DAB2IP: variants seen among roughly 807,000 people sequenced by gnomAD.
The protein encoded by DAB2IP is DAB2 interacting protein, also known as disabled homolog 2-interacting protein.
DAB2IP carries 28 observed loss-of-function variants against 107.2 expected under a neutral mutation model. That is an observed-to-expected ratio of 0.26 (90% CI 0.19 to 0.36). The LOEUF is 0.36. Among genes scored for constraint, DAB2IP ranks in the 10% least tolerant of loss-of-function variants. The pLI, the probability that DAB2IP is intolerant of heterozygous loss-of-function variation, is 1.00. For missense variants in DAB2IP, 1,400 were observed against 1,644.7 expected (o/e 0.85, Z 2.57); for synonymous variants, 755 against 706.4 (o/e 1.07, Z -1.09).
At chr9:121,763,355 G>T in intron 6 of DAB2IP, 150 bp from the exon 7 acceptor site, 3 of 1,152,898 alleles carry the variant, frequency 2.6e-6, no homozygotes, top group Non-Finnish European at 3.6e-6. Context: ...AGCCCCCAAA[G>T]GTGGGCACAC....
At chr9:121,780,940 G>A (rs1400080211) in intron 14 of DAB2IP, among the ~76,000 whole-genome samples, 1 of 152,168 alleles carries the variant, frequency 6.6e-6, no homozygotes, top group Non-Finnish European at 1.5e-5. Flanking sequence ...CCAGGGACCT[G>A]AGCTTTCCAC....
chr9:121,647,225 C>A (rs1832568927), upstream of DAB2IP, among the ~76,000 whole-genome samples: 1 of 152,076 alleles, frequency 6.6e-6, no homozygotes, highest in African/African-American at 2.4e-5. Context: ...CTGTTATCAT[C>A]CCCCCTGTAC....
At chr9:121,720,783 C>T (rs1830880853) in intron 3 of DAB2IP, among the ~76,000 whole-genome samples, 1 of 152,180 alleles carries the variant, frequency 6.6e-6, no homozygotes, top group Non-Finnish European at 1.5e-5. Context: ...CAGGGCTCCA[C>T]CCAGCAGGAG....
Position 121,782,336 on chromosome 9 carries a change from G to A in DAB2IP, c.3408G>A (p.Lys1136=). The A allele has an allele frequency of 6.2e-7, 1 of 1,613,772 alleles. No homozygotes were observed. The highest frequency in any genetic ancestry group is 1.7e-5 in the Admixed American group (1 of 59,994). The change falls in exon 16 of 16, where the codon AAG becomes AAA. Residue 1136 remains lysine (K), a synonymous_variant. Transcript: ENST00000408936. This position sits in a 1 kb window ranked among gnomAD's most constrained non-coding sequence, Gnocchi z 6.1. ...CACATCCCCATTGTCCACAGGAGAAGCGCATTGCCTCGTTGGATGCCGCCA... is the reference window on the plus strand; with the variant it reads ...CACATCCCCATTGTCCACAGGAGAAACGCATTGCCTCGTTGGATGCCGCCA...
At chr9:121,717,561 G>A (rs1232716199) in intron 3 of DAB2IP, among the ~76,000 whole-genome samples, 2 of 152,208 alleles carry the variant, frequency 1.3e-5, no homozygotes, top group Admixed American at 1.3e-4. Context: ...TGTGCATATG[G>A]ACAGCATACC....
At chr9:121,756,903 A>G (rs1833530909) in intron 3 of DAB2IP, 110 bp from the exon 4 acceptor site, 2 of 1,402,936 alleles carry the variant, frequency 1.4e-6, no homozygotes, top group Admixed American at 1.8e-5. Context: ...GAGAGTGGAG[A>G]GGAGTGGCTG....
At chr9:121,630,839 A>G (rs920971317) in intron 1 of DAB2IP, among the ~76,000 whole-genome samples, 2 of 152,058 alleles carry the variant, frequency 1.3e-5, no homozygotes, top group Admixed American at 6.5e-5. Context: ...AACTCCTGAC[A>G]TTGGGCAATC....
intron 1 of DAB2IP, among the ~76,000 whole-genome samples, chr9:121,602,730 C>T (rs150400364): frequency 0.01 from 1,522 of 152,116 alleles, 33 homozygotes; most frequent in African/African-American, 0.034. Context: ...CGCCCGCCAC[C>T]ACGCCCGGCT....
chr9:121,610,304 C>T lies in DAB2IP; in HGVS notation c.40+43076C>T, dbSNP rs763579000. Among the ~76,000 whole-genome samples the T allele has an allele frequency of 3.2e-4, 49 of 152,180 alleles. 1 individual carries two copies. Among genetic ancestry groups the T allele is most frequent in the Non-Finnish European group, 3.7e-4 (25 of 68,032 alleles). On this transcript the variant is annotated intron_variant, in intron 1 of 16. Transcript: ENST00000259371. ...ACCCTGAGTACGGTGCATGGCCTCTCTGGGCTGTAATGATAATACCTAGCA... is the reference window on the plus strand; with the variant it reads ...ACCCTGAGTACGGTGCATGGCCTCTTTGGGCTGTAATGATAATACCTAGCA...
intron 1 of DAB2IP, among the ~76,000 whole-genome samples, chr9:121,600,213 C>T (rs1830647687): frequency 6.6e-6 from 1 of 152,188 alleles, no homozygotes; most frequent in Admixed American, 6.5e-5. Flanking sequence ...GGGCAGCCAA[C>T]CAAACCTCTT....
At chr9:121,732,165 C>T (rs1322345512) in intron 3 of DAB2IP, among the ~76,000 whole-genome samples, 1 of 152,122 alleles carries the variant, frequency 6.6e-6, no homozygotes, top group Non-Finnish European at 1.5e-5. Context: ...AGCATTCAGC[C>T]CCTGGCACAC....
intron 1 of DAB2IP, among the ~76,000 whole-genome samples, chr9:121,600,611 A>G (rs528534430): frequency 1.3e-5 from 2 of 152,332 alleles, no homozygotes; most frequent in East Asian, 1.9e-4. Flanking sequence ...CTTGTCACCA[A>G]TAAGGACCAA....
At chr9:121,569,079 C>G (rs1187802215) in intron 1 of DAB2IP, among the ~76,000 whole-genome samples, 2 of 152,214 alleles carry the variant, frequency 1.3e-5, no homozygotes, top group Non-Finnish European at 2.9e-5. Context: ...TGGGAGCAAT[C>G]CCAGGCCCAG....
chr9:121,745,959 G>T (rs994895031), intron 3 of DAB2IP, among the ~76,000 whole-genome samples: 8 of 152,176 alleles, frequency 5.3e-5, no homozygotes, highest in Admixed American at 4.6e-4. Context: ...TCTTAAATGG[G>T]GGTCTTTCAG....
intron 1 of DAB2IP, among the ~76,000 whole-genome samples, chr9:121,641,892 C>CCTTTCTTTCTCTTTCTTT (rs1554718107): frequency 1.1e-5 from 1 of 89,334 alleles, no homozygotes; most frequent in South Asian, 4.6e-4. Flanking sequence ...CATTTCTTTC[C>CCTTTCTTTCTCTTTCTTT]CTTTCTTTCT....
chr9:121,670,237 C>T (rs1037631754), intron 1 of DAB2IP, among the ~76,000 whole-genome samples: 2 of 152,192 alleles, frequency 1.3e-5, no homozygotes, highest in African/African-American at 2.4e-5. Context: ...TCCAAGTTGT[C>T]GTGTGTATCA....
intron 8 of DAB2IP, among the ~76,000 whole-genome samples, chr9:121,766,068 C>T (rs1183275574): frequency 6.6e-6 from 1 of 152,234 alleles, no homozygotes; most frequent in Non-Finnish European, 1.5e-5. Flanking sequence ...CTCACTTCCC[C>T]CTAGACCCAG....
At chr9:121,780,480 G>A (rs919215173) in intron 14 of DAB2IP, among the ~76,000 whole-genome samples, 5 of 152,322 alleles carry the variant, frequency 3.3e-5, no homozygotes, top group East Asian at 1.9e-4. Flanking sequence ...CCCAGTGTGC[G>A]GTGGCTGCTC....
intron 1 of DAB2IP, among the ~76,000 whole-genome samples, chr9:121,631,644 C>T (rs1009474787): frequency 2.6e-5 from 4 of 151,842 alleles, no homozygotes; most frequent in Admixed American, 2.0e-4. Context: ...GGTGAAACCC[C>T]GTCTCTACTA....
Sources: allele counts gnomAD v4.1 joint callset (sites outside exome capture counted in the v4.1 genomes callset), GRCh38; gene constraint gnomAD v4.1.1; non-coding constraint Gnocchi (gnomAD v3.1); transcripts MANE v1.5; gene names NCBI Gene and HGNC (gene_info 2026-07-23, HGNC 2026-07-21).